The following GPHN variants were observed in gnomAD, a reference collection of about 807,000 sequenced individuals.
The protein encoded by GPHN is gephyrin.
GPHN carries 17 observed loss-of-function variants against 95.5 expected under a neutral mutation model. That is an observed-to-expected ratio of 0.18 (90% confidence interval 0.12 to 0.27). The LOEUF (loss-of-function observed/expected upper bound fraction) is 0.27. Ranked by LOEUF, GPHN falls within the 10% of genes least tolerant of loss-of-function variation. GPHN has a pLI of 1.00. For missense variants in GPHN, 660 were observed against 978.1 expected (o/e 0.67, Z 4.34); for synonymous variants, 320 against 322.5 (o/e 0.99, Z 0.08).
At chr14:66,848,620 A>G (rs2062440319) in intron 4 of GPHN, among the ~76,000 whole-genome samples, 1 of 152,052 alleles carries the variant, frequency 6.6e-6, no homozygotes, top group Non-Finnish European at 1.5e-5. Context: ...ACAGCATAAA[A>G]TGACCTTTTT....
chr14:67,556,821 T>C, the GPHN span, among the ~76,000 whole-genome samples: 131 of 152,328 alleles, frequency 8.6e-4, 1 homozygote, highest in Non-Finnish European at 1.6e-3. Flanking sequence ...ATCAATGACA[T>C]GGCTCCATCT....
chr14:66,511,627 C>T (rs1461753414), intron 1 of GPHN, among the ~76,000 whole-genome samples: 1 of 152,016 alleles, frequency 6.6e-6, no homozygotes, highest in Middle Eastern at 3.4e-3. Context: ...TAGATGTTTT[C>T]GTTATCTTCA....
In GPHN at chr14:66,953,739, A is replaced by G. The variant is rs558874586; in HGVS notation, c.829-11452A>G. Among the ~76,000 whole-genome samples the G allele has an allele frequency of 2.6e-5, 4 of 152,318 alleles. No homozygotes were observed. The South Asian group carries it at 8.3e-4, about 32-fold the overall frequency. ...TTACATAGCTTTGAAGTAAGTTTAG[A>G]AAGCAGGAATTAGCCTGACACGGTG... On this transcript the variant is annotated intron_variant, in intron 8 of 22. Transcript: ENST00000478722.
chr14:67,226,182 GT>G, the GPHN span, among the ~76,000 whole-genome samples: 6 of 152,052 alleles, frequency 3.9e-5, no homozygotes, highest in Non-Finnish European at 7.4e-5. Context: ...TTATTTACTT[GT>G]TTATTTATTT....
At chr14:67,019,280 ATAAG>A (rs903511207) in intron 9 of GPHN, among the ~76,000 whole-genome samples, 4 of 152,208 alleles carry the variant, frequency 2.6e-5, no homozygotes, top group Admixed American at 1.3e-4. Context: ...CTCAGATTAT[ATAAG>A]TAAGCAGCTA....
intron 2 of GPHN, among the ~76,000 whole-genome samples, chr14:66,731,791 C>A (rs1044517610): frequency 9.9e-5 from 15 of 152,172 alleles, no homozygotes; most frequent in African/African-American, 3.4e-4. Context: ...CCATCACAGG[C>A]CCAGTGGCCT....
the GPHN span, among the ~76,000 whole-genome samples, chr14:67,274,258 C>G: frequency 1.8e-4 from 27 of 152,234 alleles, no homozygotes; most frequent in South Asian, 5.6e-3. Flanking sequence ...GGTTTTAGGT[C>G]TAACATTTAA....
chr14:66,996,228 G>A (rs560850457), intron 9 of GPHN: 177 of 1,514,746 alleles, frequency 1.2e-4, no homozygotes, highest in Non-Finnish European at 1.5e-4. Context: ...GGTATATTTT[G>A]CACGTGTTTT....
chr14:67,489,817 C>T, the GPHN span, among the ~76,000 whole-genome samples: 2 of 152,132 alleles, frequency 1.3e-5, no homozygotes, highest in Non-Finnish European at 2.9e-5. Context: ...GGTGAAACCC[C>T]ATCTCTACTA....
intron 18 of GPHN, among the ~76,000 whole-genome samples, chr14:67,149,203 G>A (rs1460372992): frequency 1.3e-5 from 2 of 152,006 alleles, no homozygotes; most frequent in Admixed American, 6.5e-5. Context: ...AATTAGCTGG[G>A]CGTGGTGGCG....
chr14:67,194,975 G>C, the GPHN span, among the ~76,000 whole-genome samples: 3 of 152,148 alleles, frequency 2.0e-5, no homozygotes. Context: ...AAAGTGCTAA[G>C]ATTACAGGTG....
rs1402009023 is a variant in GPHN, at chr14:67,113,737, C to A, written c.1626+566C>A. Among the ~76,000 whole-genome samples the A allele has an allele frequency of 2.6e-5, 4 of 152,080 alleles. No individual in the cohort carries two copies. In the South Asian group the frequency reaches 8.3e-4, roughly 32 times the overall value. ...TTTAGAATGGGTCAAAATGTCTTTTCATTCCTGATTTAGAAAAGAGAATTT... is the reference window on the plus strand; with the variant it reads ...TTTAGAATGGGTCAAAATGTCTTTTAATTCCTGATTTAGAAAAGAGAATTT... On this transcript the variant is annotated intron_variant, in intron 16 of 22. Coordinates refer to ENST00000478722, the MANE Select transcript of GPHN (RefSeq NM_020806.5).
the GPHN span, among the ~76,000 whole-genome samples, chr14:67,328,646 A>C: frequency 6.6e-6 from 1 of 152,188 alleles, no homozygotes; most frequent in Non-Finnish European, 1.5e-5. Flanking sequence ...TCTTGAATTA[A>C]CTTTTGTATA....
intron 3 of GPHN, among the ~76,000 whole-genome samples, chr14:66,794,597 C>T (rs1165362405): frequency 6.6e-6 from 1 of 152,118 alleles, no homozygotes; most frequent in African/African-American, 2.4e-5. Flanking sequence ...TTCCCTTTAA[C>T]TATTATTTAG....
chr14:67,698,691 A>G, the GPHN span, among the ~76,000 whole-genome samples: 1 of 152,224 alleles, frequency 6.6e-6, no homozygotes, highest in Admixed American at 6.5e-5. Flanking sequence ...AGGAGCTGTT[A>G]TACTTCTCCT....
chr14:67,683,129 C>A, the GPHN span, among the ~76,000 whole-genome samples: 2 of 152,176 alleles, frequency 1.3e-5, no homozygotes, highest in Non-Finnish European at 2.9e-5. Flanking sequence ...ATGTTCATTT[C>A]TTGATGGTGG....
intron 3 of GPHN, among the ~76,000 whole-genome samples, chr14:66,811,547 A>C (rs76169081): frequency 2.6e-5 from 3 of 113,656 alleles, no homozygotes; most frequent in African/African-American, 1.5e-4. Flanking sequence ...TACATTCAGC[A>C]AAAAAAAAAA....
intron 9 of GPHN, among the ~76,000 whole-genome samples, chr14:66,983,948 T>G (rs2070855404): frequency 6.6e-6 from 1 of 152,180 alleles, no homozygotes; most frequent in African/African-American, 2.4e-5. Context: ...AACTAGAAAT[T>G]AGGGACTGTT....
intron 18 of GPHN, 22 bp from the exon 19 acceptor site, chr14:67,159,393 T>C (rs767867982): frequency 7.2e-7 from 1 of 1,382,784 alleles, no homozygotes; most frequent in Non-Finnish European, 1.0e-6. Flanking sequence ...GAAAGTAAAG[T>C]GATTATTTTT....
Sources: gnomAD v4.1 joint callset for allele counts (sites outside exome capture counted in the v4.1 genomes callset) on GRCh38, gnomAD v4.1.1 for gene constraint, MANE v1.5 for transcripts, NCBI Gene and HGNC (gene_info 2026-07-23, HGNC 2026-07-21) for gene names.